ABTB3: variants seen among roughly 807,000 people sequenced by gnomAD.
The protein encoded by ABTB3 is ankyrin repeat and BTB domain containing 3.
chr12:107,450,973 A>G, the ABTB3 span, among the ~76,000 whole-genome samples: 4 of 151,994 alleles, frequency 2.6e-5, no homozygotes, highest in Non-Finnish European at 4.4e-5. Flanking sequence ...GTGCTCCTTC[A>G]ATATGTGTTT....
At chr12:107,616,139 G>C in the ABTB3 span, among the ~76,000 whole-genome samples, 43 of 152,308 alleles carry the variant, frequency 2.8e-4, no homozygotes, top group African/African-American at 1.0e-3. Flanking sequence ...CCTGGTAGAG[G>C]AAACTAAGAA....
At chr12:107,340,359 G>A in the ABTB3 span, among the ~76,000 whole-genome samples, 1 of 152,128 alleles carries the variant, frequency 6.6e-6, no homozygotes, top group South Asian at 2.1e-4. Context: ...TCTGACTGAG[G>A]CATCTCACAC....
chr12:107,420,290 A>C, the ABTB3 span, among the ~76,000 whole-genome samples: 3 of 152,152 alleles, frequency 2.0e-5, no homozygotes, highest in Non-Finnish European at 4.4e-5. Flanking sequence ...GTCCATTTTC[A>C]TACTGCTATG....
the ABTB3 span, among the ~76,000 whole-genome samples, chr12:107,429,620 T>C: frequency 6.6e-6 from 1 of 152,120 alleles, no homozygotes; most frequent in Non-Finnish European, 1.5e-5. Flanking sequence ...TGCCAGTGGG[T>C]GAATGGTGGG....
the ABTB3 span, among the ~76,000 whole-genome samples, chr12:107,623,120 G>A: frequency 6.7e-6 from 1 of 150,106 alleles, no homozygotes; most frequent in Non-Finnish European, 1.5e-5. Context: ...GAGTGCAATG[G>A]TGCAATCTCG....
chr12:107,608,225 C>G, the ABTB3 span, among the ~76,000 whole-genome samples: 36 of 152,312 alleles, frequency 2.4e-4, 2 homozygotes, highest in Non-Finnish European at 1.3e-4. Flanking sequence ...CTCAGCCCCT[C>G]GTCACTTCAC....
the ABTB3 span, among the ~76,000 whole-genome samples, chr12:107,538,435 T>TTGGTTTGC: frequency 1.3e-5 from 2 of 152,170 alleles, no homozygotes; most frequent in Admixed American, 1.3e-4. Flanking sequence ...GCACTAGCTG[T>TTGGTTTGC]TGGTTTGCTG....
At chr12:107,367,951 T>C in the ABTB3 span, among the ~76,000 whole-genome samples, 1 of 152,364 alleles carries the variant, frequency 6.6e-6, no homozygotes, top group East Asian at 1.9e-4. Flanking sequence ...GTGTTATTGA[T>C]TTATAGAAAC....
the ABTB3 span, among the ~76,000 whole-genome samples, chr12:107,489,946 A>C: frequency 2.0e-5 from 3 of 152,252 alleles, no homozygotes; most frequent in South Asian, 6.2e-4. Context: ...ACAAACAAAA[A>C]CATAAAGATG....
the ABTB3 span, among the ~76,000 whole-genome samples, chr12:107,376,354 TA>T: frequency 2.7e-3 from 407 of 152,194 alleles, 3 homozygotes; most frequent in African/African-American, 9.4e-3. Flanking sequence ...AGGCCTTGAG[TA>T]TATATTTGAT....
chr12:107,542,049 C>A, the ABTB3 span, among the ~76,000 whole-genome samples: 3 of 152,120 alleles, frequency 2.0e-5, no homozygotes, highest in South Asian at 6.2e-4. Flanking sequence ...GTGGGTCACA[C>A]CTGTAATCCC....
the ABTB3 span, among the ~76,000 whole-genome samples, chr12:107,321,104 A>G: frequency 1.3e-5 from 2 of 152,220 alleles, no homozygotes; most frequent in Non-Finnish European, 2.9e-5. Context: ...AATGGTAGAA[A>G]CGTAACTGGA....
At chr12:107,455,574 C>T in the ABTB3 span, among the ~76,000 whole-genome samples, 1 of 152,130 alleles carries the variant, frequency 6.6e-6, no homozygotes, top group Non-Finnish European at 1.5e-5. Context: ...TTAGCTGTTG[C>T]TGCATAGCAA....
the ABTB3 span, among the ~76,000 whole-genome samples, chr12:107,585,974 AC>A: frequency 7.9e-5 from 12 of 152,336 alleles, no homozygotes; most frequent in African/African-American, 2.9e-4. Context: ...AGTGCCCAGG[AC>A]CTAAATGTCA....
At chr12:107,541,813 A>G in the ABTB3 span, among the ~76,000 whole-genome samples, 1 of 152,068 alleles carries the variant, frequency 6.6e-6, no homozygotes, top group South Asian at 2.1e-4. Context: ...GTTGGGTACT[A>G]TGCTGTTTAC....
the ABTB3 span, among the ~76,000 whole-genome samples, chr12:107,593,001 A>T: frequency 6.6e-6 from 1 of 152,248 alleles, no homozygotes; most frequent in South Asian, 2.1e-4. Context: ...AATATGCATT[A>T]TAAAGAAGGG....
chr12:107,411,423 G>A, the ABTB3 span, among the ~76,000 whole-genome samples: 115 of 152,328 alleles, frequency 7.5e-4, no homozygotes, highest in African/African-American at 2.6e-3. Flanking sequence ...CCTCGCTGGG[G>A]TATTATGTGA....
At chr12:107,499,185 T>G in the ABTB3 span, among the ~76,000 whole-genome samples, 10 of 152,128 alleles carry the variant, frequency 6.6e-5, no homozygotes, top group African/African-American at 2.4e-4. Context: ...AGCATTCAAG[T>G]CCTGTGATTT....
At chr12:107,633,245 G>A in the ABTB3 span, among the ~76,000 whole-genome samples, 3 of 152,168 alleles carry the variant, frequency 2.0e-5, no homozygotes, top group Non-Finnish European at 4.4e-5. Flanking sequence ...CTTCTACCAC[G>A]TGAGGACATA....
Sources: gnomAD v4.1 joint callset for allele counts (sites outside exome capture counted in the v4.1 genomes callset) on GRCh38, gnomAD v4.1.1 for gene constraint, MANE v1.5 for transcripts, NCBI Gene and HGNC (gene_info 2026-07-23, HGNC 2026-07-21) for gene names.